FKTN: variants seen among roughly 807,000 people sequenced by gnomAD.
The protein encoded by FKTN is ribitol-5-phosphate transferase FKTN.
FKTN carries 47 observed loss-of-function variants against 58.6 expected under a neutral mutation model. The observed-to-expected ratio is 0.80, with a 90% CI of 0.63 to 1.02. FKTN has a LOEUF of 1.02. FKTN is among the 50% of genes least tolerant of loss of function. The pLI, the probability that FKTN is intolerant of heterozygous loss-of-function variation, is 0.00. For synonymous variants in FKTN, 178 were observed against 191.9 expected (o/e 0.93, Z 0.60); for missense variants, 516 against 537.3 (o/e 0.96, Z 0.39).
At chr9:105,586,028 C>T (rs1843831921) in intron 3 of FKTN, among the ~76,000 whole-genome samples, 2 of 152,114 alleles carry the variant, frequency 1.3e-5, no homozygotes. Context: ...AGAAGGACTG[C>T]AAAGCTTTCA....
chr9:105,586,652 T>A (rs148105258), intron 3 of FKTN, among the ~76,000 whole-genome samples: 99 of 152,310 alleles, frequency 6.5e-4, no homozygotes, highest in Middle Eastern at 3.4e-3. Context: ...CCTCATGCAA[T>A]TGTTTGGCTT....
intron 4 of FKTN, 123 bp downstream of exon 4, chr9:105,596,780 G>T (rs1826882614): frequency 3.9e-6 from 3 of 764,080 alleles, no homozygotes; most frequent in South Asian, 2.9e-5. Context: ...GTGGCCGGTT[G>T]GTAGTGGCAG....
At chr9:105,610,225 GT>G (rs1344004394) in intron 7 of FKTN, among the ~76,000 whole-genome samples, 1 of 151,982 alleles carries the variant, frequency 6.6e-6, no homozygotes, top group Non-Finnish European at 1.5e-5. Context: ...TTTAAGTCCT[GT>G]TTCCTTTTAG....
Position 105,574,967 on chromosome 9 carries a change from C to T in FKTN, c.-66C>T. 2.2e-6 allele frequency: 2 copies of T among 905,462 alleles called. No individual in the cohort carries two copies. The highest frequency in any genetic ancestry group is 1.9e-6 in the Non-Finnish European group (1 of 538,372). 56.1% of individuals were successfully genotyped at this position (905,462 alleles called of 1,614,324 possible). On this transcript the variant is annotated 5_prime_UTR_variant, in exon 3 of 11. Transcript: ENST00000357998. ...CAGAAAACAAAATTATCTTCCTTTC[C>T]AAATCCAAAAAGATGAAAACGACTG...
intron 3 of FKTN, among the ~76,000 whole-genome samples, chr9:105,588,604 C>T (rs1490140758): frequency 6.6e-6 from 1 of 152,152 alleles, no homozygotes; most frequent in Non-Finnish European, 1.5e-5. Context: ...CATGTTACCT[C>T]TTTTTTCAAA....
At chr9:105,562,167 A>G (rs1368239404) in intron 1 of FKTN, among the ~76,000 whole-genome samples, 2 of 152,246 alleles carry the variant, frequency 1.3e-5, no homozygotes, top group Non-Finnish European at 2.9e-5. Flanking sequence ...GTTCACTGAG[A>G]CTGTGCTACT....
chr9:105,581,520 C>T lies in FKTN; in HGVS notation c.105+6383C>T, dbSNP rs905256018. 6.4e-3 allele frequency among the ~76,000 whole-genome samples: 970 copies of T among 151,254 alleles called. 9 individuals carry two copies. Among genetic ancestry groups the T allele is most frequent in the African/African-American group, 0.022 (915 of 40,966 alleles). On this transcript the variant is annotated intron_variant, in intron 3 of 10. Coordinates refer to ENST00000357998, the MANE Select transcript of FKTN (RefSeq NM_001079802.2). ...GGACCCACTTGAGGAGGCAGTCTGC[C>T]GGTTCTCAGATCTCCAGCTGCGTGC... is the stretch of plus-strand genomic sequence containing the variant.
rs1022008290 is a variant in FKTN at position 105,639,482 on chromosome 9, T to C, written c.*4218T>C. On this transcript the variant is annotated 3_prime_UTR_variant, in exon 11 of 11. Transcript: ENST00000357998. ...GGGTTTTTAGGGGGATTAAATGAAG[T>C]ATACAGTTCTTAGCCTCAGGCCTAG... 1 of 678,152 alleles carries C rather than the reference T, an allele frequency of 1.5e-6. No individual in the cohort carries two copies. Among genetic ancestry groups the C allele is most frequent in the Non-Finnish European group, 1.8e-6 (1 of 549,948 alleles). The allele number at this position is 678,152 out of a possible 1,614,324, so 42.0% of individuals were successfully genotyped here. A position where few individuals can be genotyped will look rare whatever the true frequency, so the allele number is the denominator to read the frequency against.
rs144585481 is a variant in FKTN at position 105,599,661 on chromosome 9, G to A, written c.166-1484G>A. The stretch of plus-strand genomic sequence containing the variant: ...TGGGACTACAGGCACACACCACCAC[G>A]CCCGGCTAATTTTTGTATTTTTAGT... On this transcript the variant is annotated intron_variant, in intron 4 of 10. Transcript: ENST00000357998. Among the ~76,000 whole-genome samples the A allele has an allele frequency of 2.7e-3, 403 of 151,596 alleles. 5 individuals are homozygous for A. Among genetic ancestry groups the A allele is most frequent in the East Asian group, 0.014 (74 of 5,130 alleles).
chr9:105,606,686 T>C (rs976513439), intron 6 of FKTN, among the ~76,000 whole-genome samples: 1 of 97,898 alleles, frequency 1.0e-5, no homozygotes, highest in South Asian at 2.8e-4. Context: ...TAAAAATATA[T>C]ATATATATTA....
Position 105,601,181 on chromosome 9 carries a change from CA to C in FKTN, c.206del (p.Asn69MetfsTer10). 1.2e-6 allele frequency: 2 copies of C among 1,610,502 alleles called. No homozygotes were observed. The highest frequency in any genetic ancestry group is 1.7e-6 in the Non-Finnish European group (2 of 1,177,270). ...AAAATTTATTATGTTAACATCCAAC[CA>C]AAATGTACCAGTGTTTCTTATTGAT... ...VKKFIMLTSN[Q>X]NVPVFLIDPL... On this transcript the variant is annotated frameshift_variant, in exon 5 of 11. Coordinates refer to ENST00000357998, the MANE Select transcript of FKTN (RefSeq NM_001079802.2). LOFTEE classifies it high-confidence loss of function.
intron 4 of FKTN, among the ~76,000 whole-genome samples, chr9:105,597,831 G>C (rs1305532250): frequency 6.6e-6 from 1 of 152,232 alleles, no homozygotes; most frequent in Non-Finnish European, 1.5e-5. Flanking sequence ...CCATTTATTA[G>C]GAGTCTTCAT....
intron 7 of FKTN, among the ~76,000 whole-genome samples, chr9:105,612,659 T>C (rs1830144788): frequency 6.6e-6 from 1 of 152,212 alleles, no homozygotes; most frequent in Non-Finnish European, 1.5e-5. Flanking sequence ...CATACAAGGA[T>C]CAGTTCTGAG....
In FKTN at chr9:105,638,507, A is replaced by G. The variant is rs916485069; in HGVS notation, c.*3243A>G. On this transcript the variant is annotated 3_prime_UTR_variant, in exon 11 of 11. Transcript: ENST00000357998. ...CATCCCATTGCCACTTTACCATTCTATTTCCCAAGGGAACCATCAGCACCA... is the reference window on the plus strand; with the variant it reads ...CATCCCATTGCCACTTTACCATTCTGTTTCCCAAGGGAACCATCAGCACCA... The G allele has an allele frequency of 2.0e-6, 2 of 985,226 alleles. No individual in the cohort carries two copies. Among genetic ancestry groups the G allele is most frequent in the Non-Finnish European group, 2.4e-6 (2 of 829,938 alleles). 61.0% of individuals were successfully genotyped at this position (985,226 alleles called of 1,614,324 possible). A position where few individuals can be genotyped will look rare whatever the true frequency, so the allele number is the denominator to read the frequency against.
chr9:105,618,039 A>G lies in FKTN; in HGVS notation c.991A>G (p.Ile331Val), dbSNP rs1301487184. The G allele has an allele frequency of 6.2e-7, 1 of 1,608,434 alleles. No homozygotes were observed. Among genetic ancestry groups the G allele is most frequent in the South Asian group, 1.1e-5 (1 of 91,010 alleles). ...GIFIQDYKSDIILAFQDAGLP... is the reference protein window; with the variant it reads ...GIFIQDYKSDVILAFQDAGLP... ...TTTTATACAAGATTACAAATCTGATATTATTTTAGCATTTCAGGATGCAGG... is the reference window on the plus strand; with the variant it reads ...TTTTATACAAGATTACAAATCTGATGTTATTTTAGCATTTCAGGATGCAGG... The change falls in exon 9 of 11, where the codon ATT becomes GTT. Residue 331 changes from isoleucine (I) to valine (V), a missense_variant. Ile to Val is a conservative substitution (Grantham distance 29). Transcript: ENST00000357998.
chr9:105,620,258 A>G (rs577379470), intron 10 of FKTN, 197 bp downstream of exon 10: 6 of 500,946 alleles, frequency 1.2e-5, no homozygotes, highest in African/African-American at 7.8e-5. Flanking sequence ...TGTGAGGAGG[A>G]AGTGTCCCTG....
chr9:105,576,551 T>C lies in FKTN; in HGVS notation c.105+1414T>C, dbSNP rs534808727. On this transcript the variant is annotated intron_variant, in intron 3 of 10. Transcript: ENST00000357998. ...CATGGTGTATATGTGCCACATTTTC[T>C]TAATCCAGTCTATCATTGTTGGACA... Among the ~76,000 whole-genome samples, 4 of 143,738 alleles carry C rather than the reference T, an allele frequency of 2.8e-5. No homozygotes were observed. In the South Asian group the frequency reaches 9.5e-4, roughly 34 times the overall value. 94.3% of individuals were successfully genotyped at this position (143,738 alleles called of 152,430 possible). A position where few individuals can be genotyped will look rare whatever the true frequency, so the allele number is the denominator to read the frequency against.
intron 3 of FKTN, among the ~76,000 whole-genome samples, chr9:105,582,192 C>T (rs183993159): frequency 2.0e-5 from 3 of 151,996 alleles, no homozygotes; most frequent in African/African-American, 7.2e-5. Flanking sequence ...GGCTCCTACC[C>T]GAAACTTTTC....
At chr9:105,565,716 T>C (rs999902402) in intron 1 of FKTN, among the ~76,000 whole-genome samples, 14 of 152,098 alleles carry the variant, frequency 9.2e-5, no homozygotes, top group Non-Finnish European at 1.5e-4. Flanking sequence ...TTTAACACCC[T>C]ACTGTCAACA....
Sources: allele counts gnomAD v4.1 joint callset (sites outside exome capture counted in the v4.1 genomes callset), GRCh38; gene constraint gnomAD v4.1.1; transcripts MANE v1.5; gene names NCBI Gene and HGNC (gene_info 2026-07-23, HGNC 2026-07-21).